Variants in HDAC9 observed in about 807,000 individuals in gnomAD.
HDAC9 encodes histone deacetylase 9, also known as MEF-2 interacting transcription repressor (MITR) protein.
A neutral mutation model predicts 139.4 loss-of-function variants in HDAC9; 41 were observed. The observed-to-expected ratio is 0.29, with a 90% confidence interval of 0.23 to 0.38. The LOEUF (loss-of-function observed/expected upper bound fraction) is 0.38. Ranked by LOEUF, HDAC9 falls within the 10% of genes least tolerant of loss-of-function variation. The pLI is 1.00. For synonymous variants in HDAC9, 517 were observed against 476.2 expected, an observed-to-expected ratio of 1.09 and a Z score of -1.12; for missense variants, 1,147 against 1,297.0, an observed-to-expected ratio of 0.88 and a Z score of 1.78.
At chr7:18,229,016 T>C (rs1468822501) in intron 2 of HDAC9, among the ~76,000 whole-genome samples, 3 of 152,132 alleles carry the variant, frequency 2.0e-5, no homozygotes, top group African/African-American at 7.2e-5. Context: ...GGGGCCCTCT[T>C]TAAGAAAAAG....
chr7:18,087,823 T>C (rs1416927609), intron 1 of HDAC9: 1 of 152,258 alleles, frequency 6.6e-6, no homozygotes, highest in Non-Finnish European at 1.5e-5. Context: ...ACGGGGGCGT[T>C]CCCTGAGCGC....
intron 21 of HDAC9, among the ~76,000 whole-genome samples, chr7:18,870,317 C>G (rs1276462689): frequency 6.6e-6 from 1 of 152,268 alleles, no homozygotes. Flanking sequence ...AGTCCTTAAT[C>G]TTCCCTTGTT....
chr7:18,381,433 C>T (rs76926486), intron 1 of HDAC9, among the ~76,000 whole-genome samples: 8 of 151,644 alleles, frequency 5.3e-5, no homozygotes, highest in East Asian at 1.9e-4. Flanking sequence ...CAAAGCTTTA[C>T]GTAAGAAAAT....
intron 1 of HDAC9, among the ~76,000 whole-genome samples, chr7:18,454,895 C>G (rs1326339066): frequency 1.3e-5 from 2 of 151,908 alleles, no homozygotes; most frequent in Non-Finnish European, 2.9e-5. Flanking sequence ...TTGGCTCTTG[C>G]TGAGGAAAAT....
intron 22 of HDAC9, among the ~76,000 whole-genome samples, chr7:18,909,635 T>G (rs1563047679): frequency 1.3e-5 from 2 of 152,186 alleles, no homozygotes; most frequent in South Asian, 4.1e-4. Flanking sequence ...CAGCACTATT[T>G]ATCTATTTTT....
intron 1 of HDAC9, among the ~76,000 whole-genome samples, chr7:18,136,788 C>T (rs1022955480): frequency 1.9e-3 from 288 of 151,552 alleles, no homozygotes; most frequent in Middle Eastern, 6.8e-3. Context: ...GCGATGCGGG[C>T]TCTTTTTTGG....
chr7:18,281,909 G>A (rs1464574036), intron 2 of HDAC9, among the ~76,000 whole-genome samples: 2 of 152,182 alleles, frequency 1.3e-5, no homozygotes, highest in Admixed American at 6.5e-5. Context: ...AACTTGGAAA[G>A]GGAAGAGAAC....
At chr7:18,826,159 A>G (rs1489123928) in intron 17 of HDAC9, among the ~76,000 whole-genome samples, 3 of 152,144 alleles carry the variant, frequency 2.0e-5, no homozygotes, top group Non-Finnish European at 4.4e-5. Context: ...CAGGCATCTT[A>G]CTGTGTTCTA....
At chr7:18,412,600 A>C (rs560113027) in intron 1 of HDAC9, among the ~76,000 whole-genome samples, 1 of 152,314 alleles carries the variant, frequency 6.6e-6, no homozygotes, top group Admixed American at 6.5e-5. Flanking sequence ...TGTGTGAAGT[A>C]ACTTGCTGGC....
chr7:18,565,332 G>T (rs1005794710), intron 2 of HDAC9, among the ~76,000 whole-genome samples: 2 of 152,154 alleles, frequency 1.3e-5, no homozygotes, highest in Non-Finnish European at 2.9e-5. Flanking sequence ...CCCATGGTTT[G>T]TTTATCATAT....
intron 17 of HDAC9, among the ~76,000 whole-genome samples, chr7:18,807,785 G>C (rs921701336): frequency 2.0e-5 from 3 of 152,104 alleles, no homozygotes; most frequent in Non-Finnish European, 4.4e-5. Flanking sequence ...GGTCAGAAAA[G>C]ATACTTGGTG....
chr7:18,453,244 T>C (rs1353267413), intron 1 of HDAC9, among the ~76,000 whole-genome samples: 1 of 152,180 alleles, frequency 6.6e-6, no homozygotes, highest in African/African-American at 2.4e-5. Flanking sequence ...GTATTTCTTA[T>C]ACTGTATTAA....
At chr7:18,763,502 T>C (rs1466030790) in intron 15 of HDAC9, among the ~76,000 whole-genome samples, 1 of 152,168 alleles carries the variant, frequency 6.6e-6, no homozygotes, top group African/African-American at 2.4e-5. Flanking sequence ...CGAATTAACA[T>C]TGTATATTAA....
intron 2 of HDAC9, among the ~76,000 whole-genome samples, chr7:18,245,283 A>G (rs1794450382): frequency 6.6e-6 from 1 of 152,210 alleles, no homozygotes; most frequent in Non-Finnish European, 1.5e-5. Context: ...GTATCGTCAC[A>G]TCAGAGGCTA....
intron 1 of HDAC9, among the ~76,000 whole-genome samples, chr7:18,357,886 G>A (rs1239221213): frequency 2.6e-5 from 4 of 152,156 alleles, no homozygotes; most frequent in African/African-American, 9.7e-5. Context: ...TTTGTGAGGA[G>A]CTTGGATTTG....
chr7:18,760,417 A>G (rs1028545002), intron 14 of HDAC9, among the ~76,000 whole-genome samples: 2 of 152,164 alleles, frequency 1.3e-5, no homozygotes, highest in Non-Finnish European at 2.9e-5. Flanking sequence ...AATGTTTCCC[A>G]GCAAGCTACT....
intron 3 of HDAC9, among the ~76,000 whole-genome samples, chr7:18,586,209 CTTATT>C (rs1474696148): frequency 1.3e-5 from 2 of 151,876 alleles, no homozygotes; most frequent in East Asian, 3.9e-4. Context: ...TTAATAATAA[CTTATT>C]TTATTATCTA....
At chr7:18,666,503 A>T (rs1452512924) in intron 12 of HDAC9, 27 bp downstream of exon 12, 3 of 1,596,892 alleles carry the variant, frequency 1.9e-6, no homozygotes, top group Non-Finnish European at 2.6e-6. Context: ...TAGCTCCAGG[A>T]TTTGTAATTA....
rs202015405 is a variant in HDAC9, at chr7:18,731,247, A to AT, written c.1909+3500dup. Among the ~76,000 whole-genome samples, 497 of 150,386 alleles carry AT rather than the reference A, an allele frequency of 3.3e-3. 10 individuals carry two copies. In the East Asian group the frequency reaches 0.063, roughly 19 times the overall value. ...GAGGGGAGAGGCTATTTGTATTTGTATTTTTTTTTTAAAATAAACTCATAC... is the reference window on the plus strand; with the variant it reads ...GAGGGGAGAGGCTATTTGTATTTGTATTTTTTTTTTTAAAATAAACTCATAC... On this transcript the variant is annotated intron_variant, in intron 13 of 25. Coordinates refer to ENST00000686413, the MANE Select transcript of HDAC9 (RefSeq NM_178425.4).
Sources: gnomAD v4.1 joint callset for allele counts (sites outside exome capture counted in the v4.1 genomes callset) on GRCh38, gnomAD v4.1.1 for gene constraint, MANE v1.5 for transcripts, NCBI Gene and HGNC (gene_info 2026-07-23, HGNC 2026-07-21) for gene names.